Variants in CDK12 observed in about 807,000 individuals in gnomAD.
CDK12 encodes the protein cyclin dependent kinase 12, also known as cyclin-dependent kinase 12.
In CDK12, 17 loss-of-function variants were observed where a neutral mutation model predicts 133.8. The ratio of observed to expected loss-of-function variants is 0.13; its 90% CI spans 0.09 to 0.19. The LOEUF (loss-of-function observed/expected upper bound fraction) is 0.19, where lower values mean the gene tolerates loss of function less well. Ranked by LOEUF, CDK12 falls within the 10% of genes least tolerant of loss-of-function variation. The pLI is 1.00. For synonymous variants in CDK12, 694 were observed against 683.6 expected (o/e 1.02, Z -0.24); for missense variants, 1,508 against 1,818.7 (o/e 0.83, Z 3.11).
rs145945524 is a variant in CDK12, at chr17:39,482,302, G to A, written c.1932-8255G>A. 3.3e-5 allele frequency among the ~76,000 whole-genome samples: 5 copies of A among 152,086 alleles called. No homozygotes were observed. The East Asian group carries it at 9.7e-4, about 29-fold the overall frequency. The stretch of plus-strand genomic sequence containing the variant: ...GCTAGGATTACAGGCCTGAGCTACC[G>A]CACCTGGCCTTGCTCTGTTTTTCTA... On this transcript the variant is annotated intron_variant, in intron 2 of 13. Coordinates refer to ENST00000447079, the MANE Select transcript of CDK12 (RefSeq NM_016507.4).
At chr17:39,480,264 C>CTT (rs111244983) in intron 2 of CDK12, among the ~76,000 whole-genome samples, 12 of 132,190 alleles carry the variant, frequency 9.1e-5, no homozygotes, top group Non-Finnish European at 1.3e-4. Context: ...TGAAACTTTA[C>CTT]TTTTTTTTTT....
At chr17:39,494,748 TC>T in intron 5 of CDK12, 54 bp downstream of exon 5, 6 of 1,263,952 alleles carry the variant, frequency 4.7e-6, no homozygotes, top group Admixed American at 2.8e-5. Context: ...TCTTTGCCTT[TC>T]TTTTTTTTTT....
chr17:39,494,041 A>G (rs2051865980), intron 4 of CDK12, among the ~76,000 whole-genome samples: 1 of 152,076 alleles, frequency 6.6e-6, no homozygotes, highest in South Asian at 2.1e-4. Context: ...AAGCCAGGAA[A>G]GGGAATATAA....
intron 1 of CDK12, among the ~76,000 whole-genome samples, chr17:39,467,289 T>C (rs2049413014): frequency 6.6e-6 from 1 of 152,140 alleles, no homozygotes; most frequent in African/African-American, 2.4e-5. Context: ...ACAACCTAAT[T>C]TTAAAAGACT....
At chr17:39,502,344 G>A (rs2052780623) in intron 6 of CDK12, among the ~76,000 whole-genome samples, 1 of 151,634 alleles carries the variant, frequency 6.6e-6, no homozygotes, top group African/African-American at 2.4e-5. Flanking sequence ...TAGTAGAGAC[G>A]TGGTTTCACC....
chr17:39,479,645 G>A (rs1197572385), intron 2 of CDK12, among the ~76,000 whole-genome samples: 4 of 150,968 alleles, frequency 2.6e-5, no homozygotes, highest in African/African-American at 9.7e-5. Context: ...TTTTTCCCCC[G>A]AGACAGAGTC....
chr17:39,516,280 G>C lies in CDK12; in HGVS notation c.2846+472G>C, dbSNP rs1420048004. On this transcript the variant is annotated intron_variant, in intron 9 of 13. Transcript: ENST00000447079. ...AAAATATGGGGAAAGCCCAGGATTG[G>C]GCTGGCATTTGGGTGGGTTTGTTTT... Among the ~76,000 whole-genome samples the C allele has an allele frequency of 3.3e-5, 5 of 152,140 alleles. No homozygotes were observed. In the South Asian group the frequency reaches 1.0e-3, roughly 32 times the overall value.
At chr17:39,544,876 C>T (rs940955871), upstream of CDK12, among the ~76,000 whole-genome samples, 5 of 152,014 alleles carry the variant, frequency 3.3e-5, no homozygotes, top group Non-Finnish European at 4.4e-5. Flanking sequence ...GTAATCCGCC[C>T]GCCTCAGCCT....
chr17:39,496,278 C>T (rs1009976158), intron 5 of CDK12, among the ~76,000 whole-genome samples: 11 of 152,042 alleles, frequency 7.2e-5, no homozygotes, highest in African/African-American at 2.4e-4. Flanking sequence ...AAGGTTATTT[C>T]GTGTTGTATA....
At chr17:39,516,343 T>C (rs948870915) in intron 9 of CDK12, among the ~76,000 whole-genome samples, 21 of 152,036 alleles carry the variant, frequency 1.4e-4, no homozygotes, top group African/African-American at 4.3e-4. Context: ...GGGAAGAATA[T>C]AGCAGGCTAA....
intron 2 of CDK12, among the ~76,000 whole-genome samples, chr17:39,476,724 T>TC (rs1567696921): frequency 5.3e-5 from 6 of 113,098 alleles, no homozygotes; most frequent in African/African-American, 2.1e-4. Flanking sequence ...TTTTTTTTTT[T>TC]TTTTTTTTTT....
Position 39,532,660 on chromosome 17 carries a change from A to C in CDK12, c.*1344A>C, listed in dbSNP as rs915716352. The C allele has an allele frequency of 8.6e-6, 2 of 232,806 alleles. No individual in the cohort carries two copies. The highest frequency in any genetic ancestry group is 1.7e-5 in the Non-Finnish European group (2 of 117,692). The allele number at this position is 232,806 out of a possible 1,614,324, so 14.4% of individuals were successfully genotyped here. ...AACAGTATTGACATACCCACATCCCAGCATGTGTACCCTGCCAGTTCTTTT... is the reference window on the plus strand; with the variant it reads ...AACAGTATTGACATACCCACATCCCCGCATGTGTACCCTGCCAGTTCTTTT... On this transcript the variant is annotated 3_prime_UTR_variant, in exon 14 of 14. Transcript: ENST00000447079.
intron 6 of CDK12, among the ~76,000 whole-genome samples, chr17:39,505,227 C>CA (rs149103539): frequency 0.012 from 550 of 47,412 alleles, 5 homozygotes; most frequent in Middle Eastern, 0.021. Flanking sequence ...GACTCCGTTT[C>CA]AAAAAAAAAA....
At chr17:39,466,615 G>GGAAAAAAAAAA (rs1567677231) in intron 1 of CDK12, among the ~76,000 whole-genome samples, 2 of 31,434 alleles carry the variant, frequency 6.4e-5, no homozygotes, top group Admixed American at 5.8e-4. Flanking sequence ...AACTCTATCT[G>GGAAAAAAAAAA]AAAAAAAAAA....
chr17:39,482,598 C>CCTTTTTTTTT (rs1440834572), intron 2 of CDK12, among the ~76,000 whole-genome samples: 3 of 53,516 alleles, frequency 5.6e-5, no homozygotes, highest in Admixed American at 2.1e-4. Flanking sequence ...CAATCAACTA[C>CCTTTTTTTTT]ATTTTTTTTT....
chr17:39,470,374 G>C (rs2049702570), intron 1 of CDK12, among the ~76,000 whole-genome samples: 1 of 152,126 alleles, frequency 6.6e-6, no homozygotes, highest in African/African-American at 2.4e-5. Context: ...GCCCGCCTCA[G>C]CCTCCCAAAG....
chr17:39,524,954 A>G, intron 12 of CDK12, 69 bp downstream of exon 12: 5 of 1,370,874 alleles, frequency 3.6e-6, no homozygotes, highest in Non-Finnish European at 5.0e-6. Context: ...GTCAAGTGTA[A>G]GGAGTTTGTG....
In CDK12 at chr17:39,517,561, G is replaced by A. The variant is rs2146513683; in HGVS notation, c.2963+5G>A. 6.5e-7 allele frequency: 1 copy of A among 1,543,074 alleles called. No homozygotes were observed. Among genetic ancestry groups the A allele is most frequent in the Non-Finnish European group, 9.0e-7 (1 of 1,115,296 alleles). On this transcript the variant is annotated splice_donor_5th_base_variant and intron_variant, in intron 10 of 13. Transcript: ENST00000447079. ...TCTACGAGAAGAATTCTCTTTGTGAGTTTGGGGAAAATGAACATCTCGTTT... is the reference window on the plus strand; with the variant it reads ...TCTACGAGAAGAATTCTCTTTGTGAATTTGGGGAAAATGAACATCTCGTTT...
chr17:39,528,437 G>T (rs929281121), intron 13 of CDK12, among the ~76,000 whole-genome samples: 15 of 151,682 alleles, frequency 9.9e-5, no homozygotes, highest in African/African-American at 3.6e-4. Flanking sequence ...AGGTTCAAGC[G>T]ATTCTCCTGC....
Sources: allele counts gnomAD v4.1 joint callset (sites outside exome capture counted in the v4.1 genomes callset), GRCh38; gene constraint gnomAD v4.1.1; transcripts MANE v1.5; gene names NCBI Gene and HGNC (gene_info 2026-07-23, HGNC 2026-07-21).